The following PLA2G4E variants were observed in gnomAD, a reference collection of about 807,000 sequenced individuals.
The protein encoded by PLA2G4E is cytosolic phospholipase A2 epsilon.
Under a neutral mutation model 109.1 loss-of-function variants are expected in PLA2G4E, and 84 were observed. That is an observed-to-expected ratio of 0.77 (90% CI 0.65 to 0.92). The LOEUF (loss-of-function observed/expected upper bound fraction) is 0.92. Among genes scored for constraint, PLA2G4E ranks in the 40% least tolerant of loss-of-function variants. PLA2G4E has a pLI of 0.00. For missense variants in PLA2G4E, 1,057 were observed against 1,076.6 expected (o/e 0.98, Z 0.25); for synonymous variants, 469 against 436.1 (o/e 1.08, Z -0.94).
intron 5 of PLA2G4E, 101 bp downstream of exon 5, chr15:42,004,837 G>A (rs938502745): frequency 1.4e-5 from 18 of 1,248,074 alleles, no homozygotes; most frequent in Non-Finnish European, 1.6e-5. Context: ...ACTGGAAGAG[G>A]GTGAGGCAGC....
At chr15:42,005,500 C>T (rs2068466149) in intron 4 of PLA2G4E, among the ~76,000 whole-genome samples, 1 of 150,090 alleles carries the variant, frequency 6.7e-6, no homozygotes, top group African/African-American at 2.5e-5. Flanking sequence ...GGTGCCGGCC[C>T]CTCACAGGCA....
exon 17 of PLA2G4E, chr15:41,987,240 T>C: frequency 5.6e-6 from 9 of 1,613,940 alleles, no homozygotes; most frequent in Non-Finnish European, 7.6e-6. Context: ...CAGGAAGTTG[T>C]GAAACTCAGA....
At chr15:42,015,344 G>A (rs911058353) in intron 1 of PLA2G4E, among the ~76,000 whole-genome samples, 4 of 152,236 alleles carry the variant, frequency 2.6e-5, no homozygotes, top group South Asian at 2.1e-4. Context: ...GGACCGCAGC[G>A]CTCTCCCAGT....
chr15:42,022,162 G>A (rs995597676), intron 1 of PLA2G4E, among the ~76,000 whole-genome samples: 2 of 152,188 alleles, frequency 1.3e-5, no homozygotes, highest in Non-Finnish European at 2.9e-5. Context: ...TGAAGTTGCT[G>A]ACAGTCTGGC....
At chr15:42,037,722 C>G (rs888892241) in intron 1 of PLA2G4E, among the ~76,000 whole-genome samples, 2 of 152,294 alleles carry the variant, frequency 1.3e-5, no homozygotes, top group African/African-American at 4.8e-5. Context: ...GCTCATGGAG[C>G]CACATCTGTG....
At position 42,029,805 on chromosome 15, in the gene PLA2G4E, C is replaced by T. The variant is rs117897687; in HGVS notation, c.184-16048G>A. Among the ~76,000 whole-genome samples, 71 of 152,306 alleles carry T rather than the reference C, an allele frequency of 4.7e-4. No homozygotes were observed. In the East Asian group the frequency reaches 8.3e-3, roughly 18 times the overall value. ...ATGAGGTAAAGGACTTAGCACATGACGGGCACGTGGCTGATTCACTATAAG... is the reference window on the plus strand; with the variant it reads ...ATGAGGTAAAGGACTTAGCACATGATGGGCACGTGGCTGATTCACTATAAG... On this transcript the variant is annotated intron_variant, in intron 1 of 19. Coordinates refer to ENST00000399518, the Ensembl canonical transcript of PLA2G4E.
chr15:41,984,888 G>A (rs1431501934), intron 18 of PLA2G4E, among the ~76,000 whole-genome samples: 2 of 152,238 alleles, frequency 1.3e-5, no homozygotes, highest in African/African-American at 4.8e-5. Context: ...ACAGACTTGG[G>A]TGGATGTGGT....
intron 12 of PLA2G4E, among the ~76,000 whole-genome samples, chr15:41,993,897 G>T (rs2068291636): frequency 6.6e-6 from 1 of 152,158 alleles, no homozygotes; most frequent in African/African-American, 2.4e-5. Flanking sequence ...GTTTTTAAAA[G>T]AATACGACTT....
chr15:42,019,577 G>A (rs1431206006), intron 1 of PLA2G4E, among the ~76,000 whole-genome samples: 1 of 152,202 alleles, frequency 6.6e-6, no homozygotes, highest in Non-Finnish European at 1.5e-5. Context: ...CTAGAGAGCT[G>A]GGTGTACCCT....
intron 1 of PLA2G4E, among the ~76,000 whole-genome samples, 198 bp downstream of exon 1, chr15:42,020,737 C>A (rs1276191053): frequency 1.3e-5 from 2 of 152,184 alleles, no homozygotes; most frequent in Non-Finnish European, 2.9e-5. Flanking sequence ...GGAGCCCTGG[C>A]CCCAACTGGG....
intron 1 of PLA2G4E, among the ~76,000 whole-genome samples, chr15:42,042,644 G>A (rs1317333107): frequency 1.4e-5 from 2 of 146,482 alleles, no homozygotes; most frequent in African/African-American, 5.1e-5. Context: ...AGTAGCAGGA[G>A]GTGTAGCTTG....
At chr15:41,992,280 G>A (rs1053866834) in intron 13 of PLA2G4E, among the ~76,000 whole-genome samples, 4 of 152,182 alleles carry the variant, frequency 2.6e-5, no homozygotes, top group African/African-American at 9.7e-5. Context: ...TCTGGGAGAC[G>A]CGGGACTCCT....
At chr15:42,013,861 A>T in intron 1 of PLA2G4E, 104 bp from the exon 2 acceptor site, 1 of 672,434 alleles carries the variant, frequency 1.5e-6, no homozygotes. Flanking sequence ...GCCCAGTTGC[A>T]TTACAACAAC....
intron 13 of PLA2G4E, among the ~76,000 whole-genome samples, chr15:41,990,867 A>T (rs975329029): frequency 6.6e-6 from 1 of 151,072 alleles, no homozygotes; most frequent in South Asian, 2.1e-4. Flanking sequence ...CCACCTCCCA[A>T]AGTGAATCAG....
At chr15:41,983,908 T>C (rs751375270) in exon 20 of PLA2G4E, 10 of 1,613,344 alleles carry the variant, frequency 6.2e-6, no homozygotes, top group African/African-American at 2.7e-5. Context: ...CTTGGTGGCA[T>C]AGGGAGTTTT....
At chr15:42,014,336 T>C (rs974394679) in intron 1 of PLA2G4E, among the ~76,000 whole-genome samples, 4 of 152,178 alleles carry the variant, frequency 2.6e-5, no homozygotes, top group Non-Finnish European at 5.9e-5. Flanking sequence ...ATCTAGAAGG[T>C]GCTAATACAT....
chr15:42,006,002 T>C, exon 4 of PLA2G4E: 1 of 1,613,780 alleles, frequency 6.2e-7, no homozygotes, highest in Non-Finnish European at 8.5e-7. Context: ...GCGGGTTGAG[T>C]GGAAACTTCA....
chr15:42,036,450 C>A (rs1889217097), intron 1 of PLA2G4E, among the ~76,000 whole-genome samples: 1 of 152,194 alleles, frequency 6.6e-6, no homozygotes, highest in Non-Finnish European at 1.5e-5. Flanking sequence ...CTTTGGGGAC[C>A]AGCCAGCGGG....
chr15:42,009,438 C>G (rs753402286), intron 2 of PLA2G4E, among the ~76,000 whole-genome samples: 1 of 152,226 alleles, frequency 6.6e-6, no homozygotes, highest in Non-Finnish European at 1.5e-5. Flanking sequence ...TTGCCCCACT[C>G]TAATCTTTTC....
Sources: allele counts gnomAD v4.1 joint callset (sites outside exome capture counted in the v4.1 genomes callset), GRCh38; gene constraint gnomAD v4.1.1; transcripts MANE v1.5; gene names NCBI Gene and HGNC (gene_info 2026-07-23, HGNC 2026-07-21).